MYOF: variants seen among roughly 807,000 people sequenced by gnomAD.
The protein encoded by MYOF is myoferlin.
In MYOF, 244 loss-of-function variants were observed where a neutral mutation model predicts 284.2. The ratio of observed to expected loss-of-function variants is 0.86; its 90% CI spans 0.77 to 0.95. The LOEUF (loss-of-function observed/expected upper bound fraction) is 0.95, where lower values mean the gene tolerates loss of function less well. MYOF is among the 40% of genes least tolerant of loss of function. The pLI is 0.00. For missense variants in MYOF, 2,496 were observed against 2,560.6 expected, an observed-to-expected ratio of 0.97 and a Z score of 0.54; for synonymous variants, 904 against 919.7, an observed-to-expected ratio of 0.98 and a Z score of 0.31.
At chr10:93,481,459 C>T (rs1374775048) in intron 1 of MYOF, among the ~76,000 whole-genome samples, 1 of 152,128 alleles carries the variant, frequency 6.6e-6, no homozygotes, top group East Asian at 1.9e-4. Flanking sequence ...GTAACTTGCC[C>T]AAGGTCATTC....
intron 5 of MYOF, among the ~76,000 whole-genome samples, chr10:93,418,592 C>T (rs1848230978): frequency 6.6e-6 from 1 of 152,098 alleles, no homozygotes; most frequent in Non-Finnish European, 1.5e-5. Context: ...ATAACAAAGC[C>T]CAGAGATCTA....
chr10:93,463,813 A>C (rs2056940829), intron 1 of MYOF, among the ~76,000 whole-genome samples: 1 of 145,160 alleles, frequency 6.9e-6, no homozygotes, highest in Non-Finnish European at 1.5e-5. Context: ...TCAAGGCTGC[A>C]GTGGCCACAC....
At chr10:93,399,662 A>G (rs751695895) in intron 12 of MYOF, among the ~76,000 whole-genome samples, 167 bp from the exon 13 acceptor site, 9 of 152,228 alleles carry the variant, frequency 5.9e-5, no homozygotes, top group Non-Finnish European at 1.0e-4. Context: ...TCATGAGGTC[A>G]GAAGAGCAAG....
chr10:93,421,781 C>A (rs769786687), intron 5 of MYOF, among the ~76,000 whole-genome samples: 33 of 152,314 alleles, frequency 2.2e-4, no homozygotes, highest in Non-Finnish European at 3.5e-4. Context: ...CTTGTACAGT[C>A]TGAAGAACCA....
intron 2 of MYOF, among the ~76,000 whole-genome samples, chr10:93,453,284 G>A (rs1347736518): frequency 6.6e-6 from 1 of 152,094 alleles, no homozygotes; most frequent in East Asian, 1.9e-4. Context: ...TCCTGTCTCA[G>A]CCTCCCGAAT....
intron 53 of MYOF, among the ~76,000 whole-genome samples, chr10:93,308,013 C>T (rs1457483142): frequency 7.9e-5 from 12 of 150,986 alleles, no homozygotes; most frequent in Non-Finnish European, 1.8e-4. Flanking sequence ...GAGGCTAAGG[C>T]AGGCAGATCA....
At chr10:93,455,352 G>T (rs975815444) in intron 2 of MYOF, among the ~76,000 whole-genome samples, 4 of 151,946 alleles carry the variant, frequency 2.6e-5, no homozygotes, top group African/African-American at 4.8e-5. Flanking sequence ...GCATTAAAAA[G>T]TTTTTTGTTT....
intron 15 of MYOF, 67 bp downstream of exon 15, chr10:93,397,180 A>G (rs1472102453): frequency 9.8e-6 from 13 of 1,329,558 alleles, no homozygotes; most frequent in South Asian, 5.2e-5. Context: ...GACAATCCAG[A>G]GTAATGTTTC....
At chr10:93,333,502 G>C (rs867735483) in intron 42 of MYOF, among the ~76,000 whole-genome samples, 190 bp from the exon 43 acceptor site, 1 of 143,266 alleles carries the variant, frequency 7.0e-6, no homozygotes, top group Non-Finnish European at 1.6e-5. Context: ...TGTGGGTGCA[G>C]GGGTGGTGGC....
Position 93,316,711 on chromosome 10 carries a change from T to C in MYOF, c.5698+3A>G. On this transcript the variant is annotated splice_donor_region_variant and intron_variant, in intron 50 of 53. Coordinates refer to ENST00000359263, the MANE Select transcript of MYOF (RefSeq NM_013451.4). The stretch of plus-strand genomic sequence containing the variant: ...GAAACAATGATCCAAATGTAAGCCC[T>C]ACCCAAGTAGTCATCCAGAGAAAAC... The C allele has an allele frequency of 1.2e-6, 2 of 1,607,510 alleles. No individual in the cohort carries two copies. The highest frequency in any genetic ancestry group is 1.7e-6 in the Non-Finnish European group (2 of 1,174,032).
At chr10:93,450,160 G>A (rs913686695) in intron 3 of MYOF, among the ~76,000 whole-genome samples, 23 of 152,146 alleles carry the variant, frequency 1.5e-4, no homozygotes, top group African/African-American at 5.1e-4. Context: ...TTGGGAAGCC[G>A]AGGCAGGCAG....
chr10:93,344,519 GTCT>G (rs936754303), intron 37 of MYOF, among the ~76,000 whole-genome samples: 10 of 151,926 alleles, frequency 6.6e-5, no homozygotes, highest in African/African-American at 2.2e-4. Context: ...ATCTAAAGGA[GTCT>G]TCTTTTCTTG....
intron 25 of MYOF, among the ~76,000 whole-genome samples, chr10:93,369,095 G>C (rs1163442431): frequency 8.5e-6 from 1 of 118,062 alleles, no homozygotes; most frequent in East Asian, 3.1e-4. Context: ...TATTGTTTTA[G>C]AAGTATTCAG....
intron 46 of MYOF, chr10:93,324,135 C>G (rs1283672468): frequency 6.6e-6 from 1 of 152,192 alleles, no homozygotes; most frequent in Non-Finnish European, 1.5e-5. Flanking sequence ...GCCCATCCAT[C>G]TGACTCGAAT....
intron 24 of MYOF, among the ~76,000 whole-genome samples, chr10:93,372,330 T>C (rs1335757908): frequency 6.6e-6 from 1 of 152,150 alleles, no homozygotes; most frequent in Non-Finnish European, 1.5e-5. Flanking sequence ...GGAACAGGCT[T>C]ATGGGTTGTA....
intron 3 of MYOF, among the ~76,000 whole-genome samples, chr10:93,438,911 T>A (rs1049962263): frequency 9.8e-5 from 15 of 152,302 alleles, no homozygotes; most frequent in African/African-American, 3.4e-4. Context: ...AGGCCAGGAC[T>A]GCCAGAGAAC....
In MYOF at chr10:93,361,530, C is replaced by T. The variant is rs754385720; in HGVS notation, c.2896G>A (p.Glu966Lys). 4.6e-5 allele frequency: 75 copies of T among 1,614,048 alleles called. 1 individual carries two copies. Among genetic ancestry groups the T allele is most frequent in the South Asian group, 2.6e-4 (24 of 91,088 alleles). ...ANGDKAASPSELTCPPGWEWE... is the reference protein window; with the variant it reads ...ANGDKAASPSKLTCPPGWEWE... ...TCCCAACCTGGAGGACAAGTCAACT[C>T]GCTGGGTGATGCTGCTTTATCGCCG... Residue 966 changes from glutamate to lysine, a missense_variant, in exon 28 of 54, where the codon GAG (glutamate) becomes AAG (lysine). Glu to Lys is a moderately conservative substitution (Grantham distance 56). Transcript: ENST00000359263.
intron 19 of MYOF, among the ~76,000 whole-genome samples, chr10:93,383,047 C>A (rs1846200202): frequency 1.3e-5 from 2 of 152,104 alleles, no homozygotes; most frequent in Non-Finnish European, 2.9e-5. Flanking sequence ...AGGCGTGTGT[C>A]ACCACACCTG....
intron 26 of MYOF, among the ~76,000 whole-genome samples, chr10:93,365,415 TTTTC>T (rs879717244): frequency 3.3e-5 from 5 of 152,206 alleles, no homozygotes; most frequent in Non-Finnish European, 7.3e-5. Context: ...CTGTTTATTT[TTTTC>T]TTTCTTTTTA....
Sources: allele counts gnomAD v4.1 joint callset (sites outside exome capture counted in the v4.1 genomes callset), GRCh38; gene constraint gnomAD v4.1.1; transcripts MANE v1.5; gene names NCBI Gene and HGNC (gene_info 2026-07-23, HGNC 2026-07-21).